The following OSBPL8 variants were observed in gnomAD, a reference collection of about 807,000 sequenced individuals.
The protein encoded by OSBPL8 is oxysterol binding protein like 8, also known as oxysterol-binding protein-related protein 8.
Under a neutral mutation model 125.5 loss-of-function variants are expected in OSBPL8, and 59 were observed. The observed-to-expected ratio is 0.47, with a 90% CI of 0.38 to 0.58. The LOEUF is 0.58. OSBPL8 is among the 20% of genes least tolerant of loss of function. The probability of loss-of-function intolerance (pLI) is 0.00; values close to 1 mark genes in which losing one functional copy is unlikely to be tolerated. For missense variants in OSBPL8, 758 were observed against 1,047.8 expected (o/e 0.72, Z 3.82); for synonymous variants, 330 against 338.9 (o/e 0.97, Z 0.29).
At chr12:76,356,103 C>T in intron 23 of OSBPL8, 82 bp from the exon 24 acceptor site, 1 of 985,718 alleles carries the variant, frequency 1.0e-6, no homozygotes, top group Non-Finnish European at 1.4e-6. Flanking sequence ...ATTAAACAGT[C>T]ACAGAGCATT....
At chr12:76,490,387 T>A (rs1389033289) in intron 1 of OSBPL8, among the ~76,000 whole-genome samples, 1 of 152,168 alleles carries the variant, frequency 6.6e-6, no homozygotes, top group Non-Finnish European at 1.5e-5. Context: ...CCCCATCCTA[T>A]GCCTATAAAG....
At chr12:76,490,969 C>T (rs550727081) in intron 1 of OSBPL8, among the ~76,000 whole-genome samples, 51 of 152,342 alleles carry the variant, frequency 3.3e-4, no homozygotes, top group African/African-American at 1.2e-3. Context: ...CCTACACACT[C>T]CCTCCTGCAA....
intron 1 of OSBPL8, among the ~76,000 whole-genome samples, chr12:76,533,098 T>A (rs1950392443): frequency 6.6e-6 from 1 of 152,212 alleles, no homozygotes; most frequent in Admixed American, 6.5e-5. Flanking sequence ...TATTTTTAAA[T>A]GAATTTACAA....
At chr12:76,370,668 A>G (rs1224959463) in intron 19 of OSBPL8, among the ~76,000 whole-genome samples, 1 of 152,182 alleles carries the variant, frequency 6.6e-6, no homozygotes, top group Non-Finnish European at 1.5e-5. Flanking sequence ...TCAAATGGTT[A>G]TGGCTGAGAC....
At chr12:76,419,390 G>C (rs1316030176) in intron 4 of OSBPL8, among the ~76,000 whole-genome samples, 1 of 152,122 alleles carries the variant, frequency 6.6e-6, no homozygotes, top group Non-Finnish European at 1.5e-5. Flanking sequence ...ACTGTCTAAA[G>C]AGAAGCCAGG....
At chr12:76,491,875 A>T (rs916519548) in intron 1 of OSBPL8, among the ~76,000 whole-genome samples, 1 of 152,198 alleles carries the variant, frequency 6.6e-6, no homozygotes, top group Admixed American at 6.5e-5. Context: ...ACAAAATAAC[A>T]AAATATCATA....
intron 8 of OSBPL8, among the ~76,000 whole-genome samples, chr12:76,396,148 G>A (rs558989407): frequency 1.1e-4 from 17 of 152,082 alleles, no homozygotes; most frequent in African/African-American, 4.1e-4. Flanking sequence ...ATATATAAAT[G>A]TCAGAGGTTC....
At chr12:76,501,191 ATT>A (rs1879867001) in intron 1 of OSBPL8, among the ~76,000 whole-genome samples, 1 of 152,206 alleles carries the variant, frequency 6.6e-6, no homozygotes, top group South Asian at 2.1e-4. Flanking sequence ...TTAAATCCCA[ATT>A]TATAATTAAA....
chr12:76,496,370 ATTT>A (rs34882613), intron 1 of OSBPL8, among the ~76,000 whole-genome samples: 5 of 141,936 alleles, frequency 3.5e-5, no homozygotes, highest in South Asian at 2.2e-4. Context: ...ATGCTGTGTA[ATTT>A]TTTTTTTTTT....
At chr12:76,498,892 T>C (rs1879569813) in intron 1 of OSBPL8, among the ~76,000 whole-genome samples, 1 of 152,044 alleles carries the variant, frequency 6.6e-6, no homozygotes, top group Non-Finnish European at 1.5e-5. Flanking sequence ...GCTACGTTTA[T>C]TGTTTTTTGT....
intron 4 of OSBPL8, among the ~76,000 whole-genome samples, chr12:76,434,146 T>C (rs1489030302): frequency 6.6e-6 from 1 of 152,106 alleles, no homozygotes; most frequent in African/African-American, 2.4e-5. Context: ...AGCATTGGCA[T>C]ACAGACAGAC....
At chr12:76,485,235 T>C (rs1878002269) in intron 2 of OSBPL8, among the ~76,000 whole-genome samples, 1 of 151,860 alleles carries the variant, frequency 6.6e-6, no homozygotes, top group South Asian at 2.1e-4. Context: ...TCACTACTTT[T>C]CAAACAACTT....
intron 1 of OSBPL8, among the ~76,000 whole-genome samples, chr12:76,493,642 C>T (rs1878972342): frequency 6.6e-6 from 1 of 152,100 alleles, no homozygotes; most frequent in South Asian, 2.1e-4. Context: ...TTTTATCTTG[C>T]TGCTTTTAAA....
chr12:76,521,910 T>G (rs1291481474), intron 1 of OSBPL8, among the ~76,000 whole-genome samples: 4 of 152,160 alleles, frequency 2.6e-5, no homozygotes, highest in Admixed American at 2.6e-4. Context: ...ACAATACCAA[T>G]GAACTTTATA....
chr12:76,391,415 C>G (rs1210271909), intron 10 of OSBPL8, among the ~76,000 whole-genome samples: 1 of 152,030 alleles, frequency 6.6e-6, no homozygotes, highest in Non-Finnish European at 1.5e-5. Context: ...GTAGCCCACC[C>G]CATTCCATCC....
intron 3 of OSBPL8, among the ~76,000 whole-genome samples, chr12:76,456,374 G>A (rs1281929969): frequency 2.0e-5 from 3 of 152,024 alleles, no homozygotes; most frequent in Non-Finnish European, 4.4e-5. Context: ...GTGTATTTAG[G>A]GACTGGGAGT....
intron 21 of OSBPL8, among the ~76,000 whole-genome samples, chr12:76,366,374 T>C (rs1267333289): frequency 6.6e-6 from 1 of 152,248 alleles, no homozygotes; most frequent in East Asian, 1.9e-4. Context: ...TATTTCTTTA[T>C]GATTGGTAGT....
At chr12:76,506,979 T>C (rs1403753808) in intron 1 of OSBPL8, among the ~76,000 whole-genome samples, 1 of 148,888 alleles carries the variant, frequency 6.7e-6, no homozygotes, top group Non-Finnish European at 1.5e-5. Flanking sequence ...CAGTGTATAT[T>C]GCTTCTGTTA....
chr12:76,387,504 T>C (rs935904225), intron 12 of OSBPL8, among the ~76,000 whole-genome samples: 2 of 152,210 alleles, frequency 1.3e-5, no homozygotes, highest in South Asian at 4.1e-4. Context: ...TCAGCTGCCC[T>C]CCATACAATT....
Sources: allele counts gnomAD v4.1 joint callset (sites outside exome capture counted in the v4.1 genomes callset), GRCh38; gene constraint gnomAD v4.1.1; transcripts MANE v1.5; gene names NCBI Gene and HGNC (gene_info 2026-07-23, HGNC 2026-07-21).